The following DLG1 variants were observed in gnomAD, a reference collection of about 807,000 sequenced individuals.
The protein encoded by DLG1 is disks large homolog 1.
A neutral mutation model predicts 123.4 loss-of-function variants in DLG1; 42 were observed. The ratio of observed to expected loss-of-function variants is 0.34; its 90% CI spans 0.27 to 0.44. The LOEUF is 0.44. Among genes scored for constraint, DLG1 ranks in the 20% least tolerant of loss-of-function variants. The pLI is 1.00. For missense variants in DLG1, 942 were observed against 1,082.6 expected (o/e 0.87, Z 1.82); for synonymous variants, 317 against 356.2 (o/e 0.89, Z 1.24).
At chr3:197,160,059 G>A (rs780417639) in intron 5 of DLG1, among the ~76,000 whole-genome samples, 17 of 152,178 alleles carry the variant, frequency 1.1e-4, no homozygotes, top group Non-Finnish European at 2.1e-4. Context: ...ATGGAAGTGC[G>A]CTGTGGTTAA....
chr3:197,187,825 T>C (rs1716983432), intron 5 of DLG1, among the ~76,000 whole-genome samples: 1 of 152,226 alleles, frequency 6.6e-6, no homozygotes, highest in South Asian at 2.1e-4. Flanking sequence ...TTACCCACTG[T>C]GTCCTTCTCT....
rs766205702 is a variant in DLG1 at position 197,138,411 on chromosome 3, TTAAAAA to T, written c.714-26_714-21del. The T allele has an allele frequency of 2.4e-6, 3 of 1,253,262 alleles. No individual in the cohort carries two copies. The highest frequency in any genetic ancestry group is 1.0e-6 in the Non-Finnish European group (1 of 969,550). 77.6% of individuals were successfully genotyped at this position (1,253,262 alleles called of 1,614,324 possible). ...TTGACCCTGAGAAAACAATTAAATA[TTAAAAA>T]TAAAAATTAAATATAATTTAAATAT... On this transcript the variant is annotated intron_variant, in intron 8 of 24. Coordinates refer to ENST00000667157, the MANE Select transcript of DLG1 (RefSeq NM_001366207.1).
intron 13 of DLG1, among the ~76,000 whole-genome samples, chr3:197,108,713 G>GTATCTTTTC (rs954794564): frequency 3.3e-5 from 5 of 152,106 alleles, no homozygotes; most frequent in Non-Finnish European, 1.5e-5. Context: ...TTTGTGTAAT[G>GTATCTTTTC]CATCTTTTCC....
chr3:197,166,247 C>T (rs745817122), intron 5 of DLG1, among the ~76,000 whole-genome samples: 108 of 152,196 alleles, frequency 7.1e-4, no homozygotes, highest in Non-Finnish European at 1.1e-3. Context: ...CCAACTAGGG[C>T]AGCAATGATG....
At chr3:197,089,469 G>GT (rs1206123466) in intron 15 of DLG1, among the ~76,000 whole-genome samples, 2 of 151,556 alleles carry the variant, frequency 1.3e-5, no homozygotes, top group African/African-American at 2.4e-5. Context: ...TGAGGCTACA[G>GT]TGAGCTGAGA....
At chr3:197,055,897 T>A (rs1336890203) in intron 23 of DLG1, among the ~76,000 whole-genome samples, 1 of 152,178 alleles carries the variant, frequency 6.6e-6, no homozygotes, top group Non-Finnish European at 1.5e-5. Flanking sequence ...ACCTCCATGA[T>A]CAGAAGCAGT....
At chr3:197,055,395 T>A (rs535536595) in intron 23 of DLG1, among the ~76,000 whole-genome samples, 5 of 152,264 alleles carry the variant, frequency 3.3e-5, no homozygotes, top group Non-Finnish European at 7.3e-5. Flanking sequence ...TATATTTTCC[T>A]GTTTCTTCGT....
chr3:197,071,737 A>C (rs1744071879), intron 18 of DLG1, among the ~76,000 whole-genome samples: 1 of 152,234 alleles, frequency 6.6e-6, no homozygotes, highest in Admixed American at 6.5e-5. Context: ...AACCACAAAG[A>C]GTGTCTCTGC....
chr3:197,167,521 T>G (rs1802044248), intron 5 of DLG1, among the ~76,000 whole-genome samples: 1 of 152,172 alleles, frequency 6.6e-6, no homozygotes, highest in African/African-American at 2.4e-5. Context: ...AGTACAATAC[T>G]TCCAGGATAT....
rs1043501830 is a variant in DLG1, at chr3:197,268,845, A to AT, written c.318+13833dup. On this transcript the variant is annotated intron_variant, in intron 4 of 24. Coordinates refer to ENST00000667157, the MANE Select transcript of DLG1 (RefSeq NM_001366207.1). ...TCTATAAGCTTTTTTCTATTTTTTA[A>AT]TTTTTTTTTTTACTGTTTAAATACA... 3.0e-3 allele frequency among the ~76,000 whole-genome samples: 443 copies of AT among 146,212 alleles called. 2 individuals are homozygous for AT. Among genetic ancestry groups the AT allele is most frequent in the African/African-American group, 8.4e-3 (337 of 39,888 alleles).
At chr3:197,222,606 G>A (rs1169708269) in intron 4 of DLG1, among the ~76,000 whole-genome samples, 1 of 152,140 alleles carries the variant, frequency 6.6e-6, no homozygotes, top group Non-Finnish European at 1.5e-5. Flanking sequence ...ATAGCAAGGA[G>A]ATACGAACAA....
At chr3:197,053,580 T>C (rs1443545556) in intron 23 of DLG1, among the ~76,000 whole-genome samples, 1 of 151,690 alleles carries the variant, frequency 6.6e-6, no homozygotes, top group Non-Finnish European at 1.5e-5. Flanking sequence ...GGGACCAGCC[T>C]GGCCAACATG....
chr3:197,148,404 G>A, intron 6 of DLG1, among the ~76,000 whole-genome samples: 1 of 117,364 alleles, frequency 8.5e-6, no homozygotes, highest in South Asian at 3.1e-4. Flanking sequence ...GAGTGAAACT[G>A]TCTCAAGAAA....
intron 4 of DLG1, among the ~76,000 whole-genome samples, chr3:197,250,652 G>T (rs924984876): frequency 6.6e-6 from 1 of 151,706 alleles, no homozygotes; most frequent in African/African-American, 2.4e-5. Context: ...AATATAAAGT[G>T]TATGGGAATC....
chr3:197,102,857 TA>T (rs1014374551), intron 14 of DLG1, among the ~76,000 whole-genome samples: 1 of 152,196 alleles, frequency 6.6e-6, no homozygotes, highest in African/African-American at 2.4e-5. Context: ...AACTCCATCT[TA>T]AAACAAACAA....
chr3:197,298,231 C>T (rs1210544122), intron 1 of DLG1: 3 of 335,966 alleles, frequency 8.9e-6, no homozygotes, highest in Non-Finnish European at 1.6e-5. Flanking sequence ...CCCCGCGCTG[C>T]TACCTTCGGG....
intron 5 of DLG1, among the ~76,000 whole-genome samples, chr3:197,162,177 G>A (rs1197631462): frequency 1.3e-5 from 2 of 152,008 alleles, no homozygotes; most frequent in Admixed American, 6.5e-5. Flanking sequence ...TTACAAATCC[G>A]TGATACTAAC....
intron 10 of DLG1, 30 bp downstream of exon 10, chr3:197,136,512 T>C (rs1785134068): frequency 6.3e-7 from 1 of 1,579,108 alleles, no homozygotes; most frequent in African/African-American, 1.4e-5. Flanking sequence ...TACAAAATGA[T>C]TTAAAAGACA....
chr3:197,271,779 C>G (rs1006483644), intron 4 of DLG1, among the ~76,000 whole-genome samples: 3 of 152,114 alleles, frequency 2.0e-5, no homozygotes, highest in Admixed American at 1.3e-4. Flanking sequence ...CTTACTCTTA[C>G]GAGATGCGTG....
Sources: allele counts gnomAD v4.1 joint callset (sites outside exome capture counted in the v4.1 genomes callset), GRCh38; gene constraint gnomAD v4.1.1; transcripts MANE v1.5; gene names NCBI Gene and HGNC (gene_info 2026-07-23, HGNC 2026-07-21).